The following ASXL1 variants were observed in gnomAD, a reference collection of about 807,000 sequenced individuals.
ASXL1 encodes the protein ASXL transcriptional regulator 1, also known as polycomb group protein ASXL1.
ASXL1 carries 65 observed loss-of-function variants against 89.1 expected under a neutral mutation model. The ratio of observed to expected loss-of-function variants is 0.73; its 90% CI spans 0.60 to 0.90. The LOEUF (loss-of-function observed/expected upper bound fraction) is 0.90, where lower values mean the gene tolerates loss of function less well. ASXL1 is among the 40% of genes least tolerant of loss of function. ASXL1 has a pLI of 0.00. For missense variants in ASXL1, 1,786 were observed against 1,942.9 expected (o/e 0.92, Z 1.52); for synonymous variants, 739 against 746.9 (o/e 0.99, Z 0.17).
At chr20:32,397,936 G>A (rs2048798561) in intron 4 of ASXL1, among the ~76,000 whole-genome samples, 2 of 152,112 alleles carry the variant, frequency 1.3e-5, no homozygotes, top group African/African-American at 2.4e-5. Context: ...TACAGTACAC[G>A]GTCAGAATAC....
intron 4 of ASXL1, among the ~76,000 whole-genome samples, chr20:32,416,866 A>T (rs2049146756): frequency 6.6e-6 from 1 of 152,250 alleles, no homozygotes; most frequent in South Asian, 2.1e-4. Context: ...TTTGAGAAAC[A>T]TGCTTTGTTA....
intron 3 of ASXL1, 29 bp from the exon 4 acceptor site, chr20:32,368,985 AC>A (rs1420820330): frequency 6.4e-7 from 1 of 1,555,388 alleles, no homozygotes; most frequent in Non-Finnish European, 8.9e-7. Flanking sequence ...GGATTGTATA[AC>A]CCTCATCCAT....
intron 4 of ASXL1, among the ~76,000 whole-genome samples, chr20:32,399,745 C>CTATTTTTTTTTTTTTTTTTTTTTTTTT (rs1600525633): frequency 6.0e-5 from 4 of 66,614 alleles, no homozygotes; most frequent in African/African-American, 6.1e-5. Context: ...ACATATTTTA[C>CTATTTTTTTTTTTTTTTTTTTTTTTTT]TCTTTTTTTT....
At chr20:32,363,522 T>C (rs565845906) in intron 1 of ASXL1, among the ~76,000 whole-genome samples, 221 of 152,378 alleles carry the variant, frequency 1.5e-3, no homozygotes, top group African/African-American at 4.5e-3. Context: ...ATACGTGTTA[T>C]CATAGTTGTA....
At chr20:32,364,215 A>G (rs920296258) in intron 1 of ASXL1, among the ~76,000 whole-genome samples, 1 of 151,878 alleles carries the variant, frequency 6.6e-6, no homozygotes, top group Non-Finnish European at 1.5e-5. Context: ...GCTTTCTATT[A>G]TTATTATTAC....
intron 4 of ASXL1, among the ~76,000 whole-genome samples, chr20:32,416,849 TAA>T (rs2049146473): frequency 6.6e-6 from 1 of 152,248 alleles, no homozygotes; most frequent in African/African-American, 2.4e-5. Flanking sequence ...AAATCTTTTT[TAA>T]AAGTTTTGAG....
intron 2 of ASXL1, among the ~76,000 whole-genome samples, chr20:32,367,149 A>G (rs1016221569): frequency 4.0e-5 from 6 of 151,550 alleles, no homozygotes; most frequent in Non-Finnish European, 7.4e-5. Context: ...AGGCCAAGGC[A>G]GGCAGATCAC....
chr20:32,372,115 C>T (rs1214957788), intron 4 of ASXL1: 11 of 1,342,040 alleles, frequency 8.2e-6, no homozygotes, highest in South Asian at 4.9e-5. Context: ...TGGCATAGTA[C>T]GTGCTTTATG....
intron 4 of ASXL1, among the ~76,000 whole-genome samples, chr20:32,388,299 C>T (rs1482227638): frequency 1.3e-5 from 2 of 152,142 alleles, no homozygotes; most frequent in African/African-American, 2.4e-5. Context: ...CTCAGCCTCC[C>T]GAGTAGCTGG....
chr20:32,400,616 A>C (rs1475852417), intron 4 of ASXL1, among the ~76,000 whole-genome samples: 1 of 152,124 alleles, frequency 6.6e-6, no homozygotes, highest in South Asian at 2.1e-4. Flanking sequence ...GGGTAGTTTC[A>C]TCACACTATG....
In ASXL1 at chr20:32,358,987, G is replaced by GGGT; in HGVS notation, c.57+158_57+160dup. 4.8e-6 allele frequency: 4 copies of GGGT among 826,586 alleles called. No homozygotes were observed. In the South Asian group the frequency reaches 7.5e-5, roughly 16 times the overall value. 51.2% of individuals were successfully genotyped at this position (826,586 alleles called of 1,614,324 possible). A position where few individuals can be genotyped will look rare whatever the true frequency, so the allele number is the denominator to read the frequency against. On this transcript the variant is annotated intron_variant, in intron 1 of 12. Coordinates refer to ENST00000375687, the MANE Select transcript of ASXL1 (RefSeq NM_015338.6). ...GAACGGGACAGCCCCGCAAGGCGAG[G>GGGT]GGTGGGGAGCGCTCCGCCGGGATGG...
chr20:32,420,298 A>T (rs1202817269), intron 4 of ASXL1, among the ~76,000 whole-genome samples: 1 of 152,062 alleles, frequency 6.6e-6, no homozygotes, highest in African/African-American at 2.4e-5. Flanking sequence ...CTCAGGAAAG[A>T]TATAAGGAAA....
chr20:32,400,262 G>C (rs1469583414), intron 4 of ASXL1, among the ~76,000 whole-genome samples: 2 of 151,790 alleles, frequency 1.3e-5, no homozygotes, highest in Admixed American at 6.6e-5. Context: ...CTTGCCTCTT[G>C]CCTGGTGATC....
chr20:32,372,231 G>T, intron 4 of ASXL1: 1 of 1,333,772 alleles, frequency 7.5e-7, no homozygotes, highest in Non-Finnish European at 9.9e-7. Context: ...ACCATTGTAT[G>T]AACCTGCTGT....
At chr20:32,359,466 T>G (rs2048073132) in intron 1 of ASXL1, 2 of 690,524 alleles carry the variant, frequency 2.9e-6, no homozygotes, top group African/African-American at 3.5e-5. Context: ...TAAGACCTGC[T>G]GAGCCTCAGG....
At chr20:32,380,592 G>T (rs1208280729) in intron 4 of ASXL1, among the ~76,000 whole-genome samples, 1 of 151,976 alleles carries the variant, frequency 6.6e-6, no homozygotes, top group Non-Finnish European at 1.5e-5. Flanking sequence ...GTCTCTACAA[G>T]AAATAAAATT....
rs2011696871 is a variant in ASXL1 at position 32,434,808 on chromosome 20, C to G, written c.2096C>G (p.Pro699Arg). The change falls in exon 13 of 13, where the codon CCT becomes CGT. Residue 699 changes from proline (P) to arginine (R), a missense_variant. Pro to Arg is a moderately radical substitution (Grantham distance 103). This residue lies in a region of ASXL1 where 1,418 missense variants were observed against 1,427.8 expected (regional missense o/e 0.99). Coordinates refer to ENST00000375687, the MANE Select transcript of ASXL1 (RefSeq NM_015338.6). ...CTACAGCGAACACAACTACTGCCGC[C>G]TTATCCTCTAAATGGGGAGCATACC... Reference protein sequence around the residue: ...SDLQRTQLLPPYPLNGEHTQA... With the variant: ...SDLQRTQLLPRYPLNGEHTQA... The G allele has an allele frequency of 6.2e-7, 1 of 1,614,042 alleles. No individual in the cohort carries two copies. Among genetic ancestry groups the G allele is most frequent in the Non-Finnish European group, 8.5e-7 (1 of 1,180,018 alleles).
intron 4 of ASXL1, among the ~76,000 whole-genome samples, chr20:32,390,932 G>A (rs2048660374): frequency 6.6e-6 from 1 of 151,998 alleles, no homozygotes; most frequent in African/African-American, 2.4e-5. Context: ...GTCTTGCTCT[G>A]TCACCCAGGC....
At chr20:32,425,661 A>G (rs1162013933) in intron 4 of ASXL1, among the ~76,000 whole-genome samples, 1 of 151,420 alleles carries the variant, frequency 6.6e-6, no homozygotes, top group East Asian at 1.9e-4. Context: ...CACATCTTTT[A>G]TTTTTCTTCT....
Sources: gnomAD v4.1 joint callset for allele counts (sites outside exome capture counted in the v4.1 genomes callset) on GRCh38, gnomAD v4.1.1 for gene constraint, gnomAD v4.1.1 regional missense constraint, MANE v1.5 for transcripts, NCBI Gene and HGNC (gene_info 2026-07-23, HGNC 2026-07-21) for gene names.